ESCO2: variants seen among roughly 807,000 people sequenced by gnomAD.
The protein encoded by ESCO2 is establishment of sister chromatid cohesion N-acetyltransferase 2, also known as N-acetyltransferase ESCO2.
In ESCO2, 51 loss-of-function variants were observed where a neutral mutation model predicts 61.7. The observed-to-expected ratio is 0.83, with a 90% confidence interval of 0.66 to 1.04. The LOEUF is 1.04. Ranked by LOEUF, ESCO2 falls within the 50% of genes least tolerant of loss-of-function variation. ESCO2 has a pLI of 0.00. For missense variants in ESCO2, 692 were observed against 686.2 expected (o/e 1.01, Z -0.09); for synonymous variants, 230 against 238.2 (o/e 0.97, Z 0.32).
downstream of ESCO2, among the ~76,000 whole-genome samples, chr8:27,808,032 C>T (rs542002315): frequency 1.3e-5 from 2 of 152,180 alleles, no homozygotes; most frequent in African/African-American, 4.8e-5. Context: ...TGGTTTGAGG[C>T]ACCTCGTTTA....
chr8:27,816,977 T>C (rs1805830242), downstream of ESCO2, among the ~76,000 whole-genome samples: 1 of 152,100 alleles, frequency 6.6e-6, no homozygotes, highest in South Asian at 2.1e-4. Flanking sequence ...AGTAAAAAGA[T>C]TGATATTTTT....
chr8:27,809,987 C>A, downstream of ESCO2: 2 of 268,146 alleles, frequency 7.5e-6, no homozygotes, highest in Non-Finnish European at 1.4e-5. Flanking sequence ...TAAGAAAGAT[C>A]ATTAATAAAA....
upstream of ESCO2, chr8:27,772,699 T>C: frequency 1.5e-6 from 1 of 658,676 alleles, no homozygotes; most frequent in Non-Finnish European, 2.6e-6. Flanking sequence ...TGGGCGCCAT[T>C]TTTAATCCTG....
intron 9 of ESCO2, among the ~76,000 whole-genome samples, chr8:27,794,775 A>G (rs551919414): frequency 2.6e-5 from 4 of 152,196 alleles, no homozygotes; most frequent in East Asian, 3.9e-4. Flanking sequence ...TAAGTCTCCA[A>G]TGTTATTCTT....
At chr8:27,810,182 TAAC>T, downstream of ESCO2, 1 of 672,342 alleles carries the variant, frequency 1.5e-6, no homozygotes, top group South Asian at 1.8e-5. Context: ...ATCCATATGT[TAAC>T]AAGAAACTAT....
chr8:27,791,842 T>G (rs1326409142), intron 7 of ESCO2, 121 bp from the exon 8 acceptor site: 13 of 667,594 alleles, frequency 1.9e-5, no homozygotes, highest in Non-Finnish European at 2.8e-5. Flanking sequence ...TTGGATTTCA[T>G]CTTCTTCTTT....
At chr8:27,799,830 A>G in intron 10 of ESCO2, 114 bp downstream of exon 10, 1 of 1,269,084 alleles carries the variant, frequency 7.9e-7, no homozygotes, top group South Asian at 1.2e-5. Context: ...TATAAATACT[A>G]TTAAAGTCAG....
At chr8:27,772,970 C>T (rs1335297169), upstream of ESCO2, among the ~76,000 whole-genome samples, 1 of 152,178 alleles carries the variant, frequency 6.6e-6, no homozygotes, top group Non-Finnish European at 1.5e-5. Flanking sequence ...GGGGATTGGA[C>T]TTTGTTCTGG....
chr8:27,799,053 T>C (rs1336927898), intron 9 of ESCO2, among the ~76,000 whole-genome samples: 1 of 152,196 alleles, frequency 6.6e-6, no homozygotes, highest in Admixed American at 6.5e-5. Flanking sequence ...ATGGAAGATG[T>C]AATCATTGGG....
In ESCO2 at chr8:27,803,647, A is replaced by G. The variant is rs1805504157; in HGVS notation, c.*209A>G. 6 of 1,350,022 alleles carry G rather than the reference A, an allele frequency of 4.4e-6. No homozygotes were observed. Among genetic ancestry groups the G allele is most frequent in the African/African-American group, 1.5e-5 (1 of 67,178 alleles). 83.6% of individuals were successfully genotyped at this position (1,350,022 alleles called of 1,614,324 possible). A position where few individuals can be genotyped will look rare whatever the true frequency, so the allele number is the denominator to read the frequency against. ...TTTGTTGAAAATTATCTGGGGATTC[A>G]AAGGAAAAATCTTTGGGTGATTCCC... On this transcript the variant is annotated 3_prime_UTR_variant, in exon 11 of 11. Coordinates refer to ENST00000305188, the MANE Select transcript of ESCO2 (RefSeq NM_001017420.3).
chr8:27,784,277 G>C (rs1328522637), intron 5 of ESCO2, among the ~76,000 whole-genome samples: 1 of 152,032 alleles, frequency 6.6e-6, no homozygotes, highest in Non-Finnish European at 1.5e-5. Context: ...TTATATACTT[G>C]AGTAATAATA....
chr8:27,804,819 A>C lies in ESCO2; in HGVS notation c.*1381A>C. On this transcript the variant is annotated 3_prime_UTR_variant, in exon 11 of 11. Coordinates refer to ENST00000305188, the MANE Select transcript of ESCO2 (RefSeq NM_001017420.3). ...CTATTTTCTGCACTTATTTCTTTTA[A>C]ATATTTTATTTAAAATTTTTAATTA... 1.1e-6 allele frequency: 1 copy of C among 934,480 alleles called. No individual in the cohort carries two copies. The highest frequency in any genetic ancestry group is 1.8e-5 in the African/African-American group (1 of 56,366). 57.9% of individuals were successfully genotyped at this position (934,480 alleles called of 1,614,324 possible).
intron 5 of ESCO2, among the ~76,000 whole-genome samples, chr8:27,786,728 A>G (rs1337324728): frequency 6.6e-6 from 1 of 151,846 alleles, no homozygotes; most frequent in Admixed American, 6.6e-5. Flanking sequence ...TACTTTTCAG[A>G]CAAATGGTAA....
chr8:27,818,046 C>T, the ESCO2 span, among the ~76,000 whole-genome samples: 3 of 152,168 alleles, frequency 2.0e-5, no homozygotes, highest in African/African-American at 7.2e-5. Flanking sequence ...CAGTACCACT[C>T]CAATGCTTTT....
Position 27,776,930 on chromosome 8 carries a change from G to A in ESCO2, c.622G>A (p.Gly208Arg), listed in dbSNP as rs1804806207. Residue 208 changes from glycine (G) to arginine (R), a missense_variant, in exon 3 of 11, where the codon GGA becomes AGA. Physicochemically the swap from Gly to Arg is moderately radical, Grantham distance 125. Transcript: ENST00000305188. ...AAAACCACAAGTTACACTCCAGGGT[G>A]GAGCAGCATTTTTTGTTAGAAAAAA... ...KIKPQVTLQG[G>R]AAFFVRKKSS... 6.2e-7 allele frequency: 1 copy of A among 1,613,380 alleles called. No homozygotes were observed. Among genetic ancestry groups the A allele is most frequent in the Non-Finnish European group, 8.5e-7 (1 of 1,179,830 alleles).
downstream of ESCO2, chr8:27,809,720 A>AAACTC (rs1805630604): frequency 6.6e-6 from 1 of 152,292 alleles, no homozygotes; most frequent in African/African-American, 2.4e-5. Flanking sequence ...AATAAATTTT[A>AAACTC]AACTCAGTAT....
Position 27,804,073 on chromosome 8 carries a change from G to A in ESCO2, c.*635G>A, listed in dbSNP as rs772373931. The A allele has an allele frequency of 1.9e-5, 19 of 985,234 alleles. No individual in the cohort carries two copies. In the African/African-American group the frequency reaches 2.4e-4, roughly 13 times the overall value. 61.0% of individuals were successfully genotyped at this position (985,234 alleles called of 1,614,324 possible). On this transcript the variant is annotated 3_prime_UTR_variant, in exon 11 of 11. Coordinates refer to ENST00000305188, the MANE Select transcript of ESCO2 (RefSeq NM_001017420.3). ...CAGAGTCTTCACTTGATAGGCACTC[G>A]TCTGTAGTAACTCAGTTTGAATATC... is the stretch of plus-strand genomic sequence containing the variant.
rs1381466903 is a variant in ESCO2 at position 27,792,177 on chromosome 8, T to TTA, written c.1353+125_1353+126insTA. The TTA allele has an allele frequency of 3.5e-6, 3 of 867,146 alleles. No homozygotes were observed. In the African/African-American group the frequency reaches 5.0e-5, roughly 14 times the overall value. The allele number at this position is 867,146 out of a possible 1,614,324, so 53.7% of individuals were successfully genotyped here. On this transcript the variant is annotated intron_variant, in intron 8 of 10. Coordinates refer to ENST00000305188, the MANE Select transcript of ESCO2 (RefSeq NM_001017420.3). ...GGTACCTGCTTAATGATTACTTTCA[T>TTA]AGCAATTTATACAAAACTAAGAATT...
intron 3 of ESCO2, chr8:27,779,279 A>G (rs993039264): frequency 6.6e-6 from 1 of 152,168 alleles, no homozygotes; most frequent in Non-Finnish European, 1.5e-5. Flanking sequence ...TGTTAAACTG[A>G]TGGGTTATCC....
Sources: allele counts gnomAD v4.1 joint callset (sites outside exome capture counted in the v4.1 genomes callset), GRCh38; gene constraint gnomAD v4.1.1; transcripts MANE v1.5; gene names NCBI Gene and HGNC (gene_info 2026-07-23, HGNC 2026-07-21).